Variants in ACOT7 observed in about 807,000 individuals in gnomAD.
ACOT7 encodes cytosolic acyl coenzyme A thioester hydrolase.
In ACOT7, 12 loss-of-function variants were observed where a neutral mutation model predicts 40.2. That is an observed-to-expected ratio of 0.30 (90% CI 0.19 to 0.48). The LOEUF is 0.48. Ranked by LOEUF, ACOT7 falls within the 20% of genes least tolerant of loss-of-function variation. ACOT7 has a pLI of 0.99. For synonymous variants in ACOT7, 228 were observed against 219.5 expected, an observed-to-expected ratio of 1.04 and a Z score of -0.34; for missense variants, 395 against 530.8, an observed-to-expected ratio of 0.74 and a Z score of 2.51.
chr1:6,280,415 A>C (rs1235928541), intron 8 of ACOT7, among the ~76,000 whole-genome samples: 1 of 152,222 alleles, frequency 6.6e-6, no homozygotes, highest in East Asian at 1.9e-4. Context: ...GTGACCCTAC[A>C]GAGTCCATGC....
rs1640558148 is a variant in ACOT7 at position 6,318,569 on chromosome 1, G to C, written c.635C>G (p.Thr212Ser). 1 of 1,614,004 alleles carries C rather than the reference G, an allele frequency of 6.2e-7. No individual in the cohort carries two copies. Among genetic ancestry groups the C allele is most frequent in the African/African-American group, 1.3e-5 (1 of 74,942 alleles). ...CAAGCTGGACTGGCTGTAGCTGACA[G>C]TGTTCGGCTCTGGAATTGCAAAAGA... ...VQPVLNPEPN[T>S]VSYSQSSLIH... is the part of the protein sequence containing the mutation. Residue 212 changes from threonine (T) to serine (S), a missense_variant, in exon 6 of 9, where the codon ACT (threonine) becomes AGT (serine). Transcript: ENST00000361521.
intron 4 of ACOT7, among the ~76,000 whole-genome samples, chr1:6,327,866 C>T (rs1571311376): frequency 1.3e-5 from 2 of 152,084 alleles, no homozygotes; most frequent in Non-Finnish European, 2.9e-5. Context: ...CTCTGCCTCC[C>T]GGGTTCAAGT....
At chr1:6,345,519 A>G (rs1304075348) in intron 2 of ACOT7, among the ~76,000 whole-genome samples, 1 of 152,242 alleles carries the variant, frequency 6.6e-6, no homozygotes, top group African/African-American at 2.4e-5. Flanking sequence ...TCGAGGGGAT[A>G]ACGAATGGGA....
At position 6,264,466 on chromosome 1, in the gene ACOT7, A is replaced by G. The variant is rs1271796899; in HGVS notation, c.*131T>C. On this transcript the variant is annotated 3_prime_UTR_variant, in exon 9 of 9. Transcript: ENST00000361521. ...GGAGAGAGTACAGGTTAACACTGTG[A>G]TACGAAAACTTCAGACAACACCAGC... 6 of 741,368 alleles carry G rather than the reference A, an allele frequency of 8.1e-6. No individual in the cohort carries two copies. The highest frequency in any genetic ancestry group is 1.3e-5 in the Non-Finnish European group (6 of 457,072). The allele number at this position is 741,368 out of a possible 1,614,324, so 45.9% of individuals were successfully genotyped here. A position where few individuals can be genotyped will look rare whatever the true frequency, so the allele number is the denominator to read the frequency against.
intron 8 of ACOT7, among the ~76,000 whole-genome samples, chr1:6,272,900 T>C (rs971209321): frequency 6.6e-6 from 1 of 152,194 alleles, no homozygotes; most frequent in Non-Finnish European, 1.5e-5. Context: ...GGGCCTCTCC[T>C]GGTACAGCCC....
chr1:6,375,807 G>A (rs1052139395), intron 1 of ACOT7, among the ~76,000 whole-genome samples: 3 of 151,640 alleles, frequency 2.0e-5, no homozygotes, highest in Admixed American at 6.6e-5. Flanking sequence ...GCGTGGTGGC[G>A]GGCACCTGTA....
rs1352778756 is a variant in ACOT7, at chr1:6,306,201, G to C, written c.713-11221C>G. The C allele has an allele frequency of 8.1e-6, 7 of 861,644 alleles. No individual in the cohort carries two copies. The highest frequency in any genetic ancestry group is 9.5e-6 in the Non-Finnish European group (7 of 737,474). The allele number at this position is 861,644 out of a possible 1,614,324, so 53.4% of individuals were successfully genotyped here. On this transcript the variant is annotated intron_variant, in intron 6 of 8. Coordinates refer to ENST00000361521, the MANE Select transcript of ACOT7 (RefSeq NM_007274.4). The surrounding 1 kb of genome is among the most constrained non-coding windows in gnomAD (Gnocchi z 4.3). ...GTGGCAAGAGAGGGAGAGGGAGACC[G>C]TGGGGAGAGGGGGAGGGGGAGGGGG... is the stretch of plus-strand genomic sequence containing the variant.
rs1279626006 is a variant in ACOT7 at position 6,326,582 on chromosome 1, C to T, written c.625+717G>A. 2.0e-5 allele frequency among the ~76,000 whole-genome samples: 3 copies of T among 152,302 alleles called. No individual in the cohort carries two copies. The East Asian group carries it at 5.8e-4, about 29-fold the overall frequency. ...GGGCCGGGAAGAAGTGGCGCTTGAA[C>T]AGCTGCTGCCGTTTTTTTCTTTTTT... On this transcript the variant is annotated intron_variant, in intron 5 of 8. Transcript: ENST00000361521.
At position 6,294,809 on chromosome 1, in the gene ACOT7, G is replaced by A. The variant is rs925454497; in HGVS notation, c.829+55C>T. On this transcript the variant is annotated intron_variant, in intron 7 of 8. Coordinates refer to ENST00000361521, the MANE Select transcript of ACOT7 (RefSeq NM_007274.4). The surrounding 1 kb of genome is among the most constrained non-coding windows in gnomAD (Gnocchi z 4.6). ...TGAACAGAAAACAAACTGGTGCAGG[G>A]ACCCAAGCAGCCGAGGGCCACTGCC... 22 of 1,457,024 alleles carry A rather than the reference G, an allele frequency of 1.5e-5. No homozygotes were observed. The highest frequency in any genetic ancestry group is 2.0e-5 in the Non-Finnish European group (21 of 1,041,688). 90.3% of individuals were successfully genotyped at this position (1,457,024 alleles called of 1,614,324 possible).
chr1:6,363,706 G>T (rs1641940898), intron 1 of ACOT7, among the ~76,000 whole-genome samples: 1 of 152,038 alleles, frequency 6.6e-6, no homozygotes, highest in South Asian at 2.1e-4. Context: ...CATTGGAGAT[G>T]ATTCACACTC....
At chr1:6,286,386 G>A (rs980431193) in intron 7 of ACOT7, among the ~76,000 whole-genome samples, 1 of 152,180 alleles carries the variant, frequency 6.6e-6, no homozygotes, top group African/African-American at 2.4e-5. Context: ...AGCAGCCAGG[G>A]CCCTGATGAA....
chr1:6,386,454 T>G (rs529962456), intron 1 of ACOT7, among the ~76,000 whole-genome samples: 5 of 152,312 alleles, frequency 3.3e-5, no homozygotes, highest in African/African-American at 1.2e-4. Context: ...CTCTGGTCTC[T>G]GCTCCCACCT....
chr1:6,391,019 G>C (rs573731328), intron 1 of ACOT7, among the ~76,000 whole-genome samples: 8 of 151,868 alleles, frequency 5.3e-5, no homozygotes, highest in Non-Finnish European at 1.2e-4. Context: ...AACTAGGCTA[G>C]GAGCAGTGGC....
intron 2 of ACOT7, among the ~76,000 whole-genome samples, 156 bp from the exon 3 acceptor site, chr1:6,339,745 T>G (rs944829821): frequency 6.6e-6 from 1 of 150,392 alleles, no homozygotes; most frequent in African/African-American, 2.5e-5. Flanking sequence ...CGCGGTTTTT[T>G]TTTTTTTTTT....
rs769360339 is a variant in ACOT7 at position 6,338,000 on chromosome 1, CAAAA to C, written c.418+1429_418+1432del. 3.4e-3 allele frequency among the ~76,000 whole-genome samples: 245 copies of C among 71,790 alleles called. 2 individuals carry two copies. The highest frequency in any genetic ancestry group is 8.6e-3 in the African/African-American group (213 of 24,768). The allele number at this position is 71,790 out of a possible 152,430, so 47.1% of individuals were successfully genotyped here. A position where few individuals can be genotyped will look rare whatever the true frequency, so the allele number is the denominator to read the frequency against. ...TGGGCAACAGAGTGAGACACCATCT[CAAAA>C]AAAAAAAAAAAAAAAAAAAGAAACC... On this transcript the variant is annotated intron_variant, in intron 3 of 8. Coordinates refer to ENST00000361521, the MANE Select transcript of ACOT7 (RefSeq NM_007274.4).
chr1:6,328,601 G>A (rs1640869614), intron 4 of ACOT7, among the ~76,000 whole-genome samples: 1 of 152,174 alleles, frequency 6.6e-6, no homozygotes, highest in South Asian at 2.1e-4. Context: ...GGAATCGCTT[G>A]AATCCGGGAG....
intron 1 of ACOT7, among the ~76,000 whole-genome samples, chr1:6,363,656 C>T (rs1641938793): frequency 6.6e-6 from 1 of 152,120 alleles, no homozygotes. Context: ...GGGAAGGGCC[C>T]CCTGTCCAGT....
chr1:6,268,243 C>T (rs1458152079), intron 8 of ACOT7, among the ~76,000 whole-genome samples: 2 of 152,128 alleles, frequency 1.3e-5, no homozygotes, highest in African/African-American at 2.4e-5. Context: ...AATTACATCT[C>T]AGTAAAGCTG....
At chr1:6,297,220 T>G (rs774463408) in intron 6 of ACOT7, among the ~76,000 whole-genome samples, 4 of 151,964 alleles carry the variant, frequency 2.6e-5, no homozygotes, top group Non-Finnish European at 4.4e-5. Context: ...GTATTTTTAG[T>G]AGAGACAGGG....
Sources: allele counts gnomAD v4.1 joint callset (sites outside exome capture counted in the v4.1 genomes callset), GRCh38; gene constraint gnomAD v4.1.1; non-coding constraint Gnocchi (gnomAD v3.1); transcripts MANE v1.5; gene names NCBI Gene and HGNC (gene_info 2026-07-23, HGNC 2026-07-21).